Variants in MYPN observed in about 807,000 individuals in gnomAD.
MYPN encodes myopalladin, also known as sarcomeric protein myopalladin, 145 kDa (MYOP).
In MYPN, 63 loss-of-function variants were observed where a neutral mutation model predicts 129.4. The observed-to-expected ratio is 0.49, with a 90% confidence interval of 0.40 to 0.60. The LOEUF is 0.60. MYPN is among the 20% of genes least tolerant of loss of function. The pLI, the probability that MYPN is intolerant of heterozygous loss-of-function variation, is 0.00. For synonymous variants in MYPN, 629 were observed against 600.9 expected (o/e 1.05, Z -0.68); for missense variants, 1,596 against 1,635.4 (o/e 0.98, Z 0.42).
At chr10:68,103,446 T>C (rs1040384738), upstream of MYPN, among the ~76,000 whole-genome samples, 1 of 152,232 alleles carries the variant, frequency 6.6e-6, no homozygotes, top group African/African-American at 2.4e-5. Flanking sequence ...TATGCTATTT[T>C]TCTGTACCCT....
chr10:68,184,880 G>A (rs1321480560), intron 12 of MYPN, among the ~76,000 whole-genome samples: 1 of 152,144 alleles, frequency 6.6e-6, no homozygotes. Context: ...GGAGGTGGAG[G>A]ACCAGGATCT....
chr10:68,088,166 A>G (rs1168748966), intron 1 of MYPN, among the ~76,000 whole-genome samples: 4 of 152,212 alleles, frequency 2.6e-5, no homozygotes, highest in East Asian at 1.9e-4. Flanking sequence ...CAGGGTATTC[A>G]TCTGAACCAC....
In MYPN at chr10:68,156,158, C is replaced by T. The variant is rs1487691660; in HGVS notation, c.1318-2328C>T. Among the ~76,000 whole-genome samples, 5 of 152,166 alleles carry T rather than the reference C, an allele frequency of 3.3e-5. No homozygotes were observed. The East Asian group carries it at 9.6e-4, about 29-fold the overall frequency. On this transcript the variant is annotated intron_variant, in intron 6 of 19. Transcript: ENST00000358913. ...TGAATGTACTGTTTCATTTACTCAA[C>T]CCCTTCTGCCACCACCACCTTTTTT...
chr10:68,184,592 C>A (rs990045043), intron 12 of MYPN, among the ~76,000 whole-genome samples: 2 of 152,164 alleles, frequency 1.3e-5, no homozygotes, highest in African/African-American at 4.8e-5. Context: ...CCACGCCCAG[C>A]TAATTTTTGT....
intron 6 of MYPN, among the ~76,000 whole-genome samples, chr10:68,153,808 T>G (rs2042819493): frequency 6.6e-6 from 1 of 152,234 alleles, no homozygotes; most frequent in African/African-American, 2.4e-5. Context: ...TATGTTTGTT[T>G]GGCTTCTTCC....
chr10:68,150,335 T>C (rs1319183091), intron 6 of MYPN, among the ~76,000 whole-genome samples: 2 of 152,166 alleles, frequency 1.3e-5, no homozygotes, highest in African/African-American at 4.8e-5. Flanking sequence ...ACCACACTAA[T>C]CTCTGTGGCC....
intron 1 of MYPN, among the ~76,000 whole-genome samples, chr10:68,092,992 G>A (rs879934359): frequency 1.2e-4 from 19 of 152,038 alleles, no homozygotes; most frequent in African/African-American, 3.9e-4. Context: ...TAACTGTAAT[G>A]GGCCCACAAA....
At chr10:68,191,216 C>CTTTTTTTTTTTTTT (rs56335317) in intron 13 of MYPN, among the ~76,000 whole-genome samples, 1 of 144,338 alleles carries the variant, frequency 6.9e-6, no homozygotes, top group Non-Finnish European at 1.5e-5. Flanking sequence ...TTTTCTATTT[C>CTTTTTTTTTTTTTT]TTTTTTTTTT....
At chr10:68,165,034 CT>C in intron 8 of MYPN, among the ~76,000 whole-genome samples, 1 of 152,236 alleles carries the variant, frequency 6.6e-6, no homozygotes, top group Non-Finnish European at 1.5e-5. Context: ...CAGAAACTTC[CT>C]TTTCCTTTGA....
intron 1 of MYPN, among the ~76,000 whole-genome samples, chr10:68,095,581 T>A (rs1057392725): frequency 3.3e-5 from 5 of 152,188 alleles, no homozygotes; most frequent in Non-Finnish European, 7.3e-5. Flanking sequence ...AGAGCTCTGT[T>A]ACAGAGTCTT....
chr10:68,142,826 T>A, intron 2 of MYPN, 114 bp from the exon 3 acceptor site: 2 of 1,013,350 alleles, frequency 2.0e-6, no homozygotes, highest in South Asian at 1.3e-5. Context: ...ATGGAGTTTT[T>A]TGTTGTTGTT....
intron 4 of MYPN, 93 bp downstream of exon 4, chr10:68,145,619 G>A: frequency 1.9e-6 from 2 of 1,052,444 alleles, no homozygotes; most frequent in East Asian, 4.8e-5. Context: ...ACTTAAGAAG[G>A]GTGGCTCCAG....
At chr10:68,096,720 T>A (rs574971874) in intron 1 of MYPN, among the ~76,000 whole-genome samples, 3 of 152,208 alleles carry the variant, frequency 2.0e-5, no homozygotes, top group Non-Finnish European at 2.9e-5. Context: ...TTATTCTACA[T>A]AAGAGTGTTT....
chr10:68,090,623 TTAGATAAC>T (rs2041926474), intron 1 of MYPN, among the ~76,000 whole-genome samples: 1 of 152,208 alleles, frequency 6.6e-6, no homozygotes, highest in African/African-American at 2.4e-5. Flanking sequence ...AATTATAATC[TTAGATAAC>T]CTACTTACTT....
At chr10:68,156,079 C>A (rs779727444) in intron 6 of MYPN, among the ~76,000 whole-genome samples, 3 of 152,190 alleles carry the variant, frequency 2.0e-5, no homozygotes, top group Non-Finnish European at 2.9e-5. Flanking sequence ...GCTCATATAT[C>A]TGAGCTCAAC....
chr10:68,133,536 G>T (rs546787197), intron 2 of MYPN, among the ~76,000 whole-genome samples: 4 of 152,176 alleles, frequency 2.6e-5, no homozygotes, highest in South Asian at 2.1e-4. Flanking sequence ...TGGTAAATCT[G>T]CCAATAAGCA....
intron 2 of MYPN, among the ~76,000 whole-genome samples, chr10:68,127,301 A>G (rs1174114374): frequency 6.9e-6 from 1 of 144,506 alleles, no homozygotes; most frequent in Non-Finnish European, 1.5e-5. Flanking sequence ...TACCATGCCC[A>G]GCCTGGGACA....
chr10:68,157,435 G>A (rs1007681178), intron 6 of MYPN, among the ~76,000 whole-genome samples: 4 of 152,148 alleles, frequency 2.6e-5, no homozygotes, highest in South Asian at 2.1e-4. Context: ...TTCTTTTGTG[G>A]ACTAATACAT....
intron 1 of MYPN, among the ~76,000 whole-genome samples, chr10:68,117,224 TAAA>T (rs56780246): frequency 7.9e-6 from 1 of 126,112 alleles, no homozygotes; most frequent in Non-Finnish European, 1.7e-5. Context: ...AACTCTGTCT[TAAA>T]AAAAAAAAAA....
Sources: gnomAD v4.1 joint callset for allele counts (sites outside exome capture counted in the v4.1 genomes callset) on GRCh38, gnomAD v4.1.1 for gene constraint, MANE v1.5 for transcripts, NCBI Gene and HGNC (gene_info 2026-07-23, HGNC 2026-07-21) for gene names.